DPP10: variants seen among roughly 807,000 people sequenced by gnomAD.
DPP10 encodes the protein dipeptidyl peptidase like 10.
Under a neutral mutation model 120.9 loss-of-function variants are expected in DPP10, and 33 were observed. That is an observed-to-expected ratio of 0.27 (90% CI 0.21 to 0.37). The LOEUF is 0.37. DPP10 is among the 10% of genes least tolerant of loss of function. The pLI is 1.00. For synonymous variants in DPP10, 337 were observed against 326.1 expected (o/e 1.03, Z -0.36); for missense variants, 816 against 942.8 (o/e 0.87, Z 1.76).
chr2:115,139,115 GCAAAGAC>G (rs935209025), intron 1 of DPP10, among the ~76,000 whole-genome samples: 1 of 152,128 alleles, frequency 6.6e-6, no homozygotes, highest in Admixed American at 6.6e-5. Context: ...GAAAGTGTTT[GCAAAGAC>G]ATTTGTACAG....
chr2:115,791,330 A>T lies in DPP10; in HGVS notation c.1674A>T (p.Arg558=), dbSNP rs749609673. ...QLSLPKDFMD[R]NQYALLLIMD... ...CCCTTCCCAAAGATTTTATGGACCG[A>T]AACCAGTATGCTCTTCTGTTAATAA... The change falls in exon 19 of 26, where the codon CGA becomes CGT. Residue 558 remains arginine, a synonymous_variant. Coordinates refer to ENST00000410059, the MANE Select transcript of DPP10 (RefSeq NM_020868.6). 45 of 1,611,248 alleles carry T rather than the reference A, an allele frequency of 2.8e-5. No homozygotes were observed. The highest frequency in any genetic ancestry group is 3.7e-5 in the Non-Finnish European group (44 of 1,179,138).
At chr2:115,449,528 A>G (rs2072926582) in intron 3 of DPP10, among the ~76,000 whole-genome samples, 1 of 152,116 alleles carries the variant, frequency 6.6e-6, no homozygotes, top group African/African-American at 2.4e-5. Flanking sequence ...AATTTGACAC[A>G]TGAATGTGCA....
intron 3 of DPP10, among the ~76,000 whole-genome samples, chr2:115,428,093 CCA>C (rs1437753722): frequency 6.6e-6 from 1 of 152,200 alleles, no homozygotes; most frequent in African/African-American, 2.4e-5. Context: ...GCTCCAGTTT[CCA>C]ACAAGTTCCT....
chr2:115,484,106 T>C (rs2075616116), intron 3 of DPP10, among the ~76,000 whole-genome samples: 1 of 143,024 alleles, frequency 7.0e-6, no homozygotes. Context: ...ACATATTTCC[T>C]ATCACAGACT....
chr2:114,628,133 A>G (rs892339689), intron 1 of DPP10, among the ~76,000 whole-genome samples: 10 of 152,152 alleles, frequency 6.6e-5, no homozygotes, highest in African/African-American at 2.4e-4. Context: ...GATTTATAAT[A>G]TAAGTTTGTG....
intron 1 of DPP10, among the ~76,000 whole-genome samples, chr2:115,190,886 A>G (rs13005061): frequency 0.07 from 10,634 of 152,278 alleles, 503 homozygotes; most frequent in East Asian, 0.17. Context: ...TCCTGTTTCA[A>G]TTGCTATAGT....
chr2:115,691,766 A>G (rs1559036698), intron 7 of DPP10, among the ~76,000 whole-genome samples: 2 of 152,146 alleles, frequency 1.3e-5, no homozygotes, highest in South Asian at 4.1e-4. Context: ...GGAAATTAAC[A>G]TCTTAGTGAT....
chr2:114,863,529 C>T (rs1394422282), intron 1 of DPP10, among the ~76,000 whole-genome samples: 2 of 152,094 alleles, frequency 1.3e-5, no homozygotes, highest in African/African-American at 2.4e-5. Flanking sequence ...ACTACCAGAT[C>T]TCCTTCCCAA....
intron 1 of DPP10, among the ~76,000 whole-genome samples, chr2:115,284,591 A>C (rs2105892548): frequency 6.6e-6 from 1 of 152,146 alleles, no homozygotes; most frequent in Non-Finnish European, 1.5e-5. Context: ...AGTGGGGTAG[A>C]AAAAAGTAAA....
chr2:115,254,158 A>G lies in DPP10; in HGVS notation c.61-55081A>G, dbSNP rs746152835. Among the ~76,000 whole-genome samples the G allele has an allele frequency of 5.6e-4, 86 of 152,318 alleles. 1 individual carries two copies. The highest frequency in any genetic ancestry group is 3.1e-3 in the Admixed American group (48 of 15,302). On this transcript the variant is annotated intron_variant, in intron 1 of 25. Coordinates refer to ENST00000410059, the MANE Select transcript of DPP10 (RefSeq NM_020868.6). ...GGGTAATTTATAAGGAAAGAGGTTTAATTGACTCACAGTACAGAATTGCTG... is the reference window on the plus strand; with the variant it reads ...GGGTAATTTATAAGGAAAGAGGTTTGATTGACTCACAGTACAGAATTGCTG...
intron 3 of DPP10, among the ~76,000 whole-genome samples, chr2:115,494,199 T>A (rs2148759375): frequency 6.6e-6 from 1 of 152,242 alleles, no homozygotes; most frequent in East Asian, 1.9e-4. Flanking sequence ...CACCTCGACC[T>A]CCCAAAATGC....
intron 1 of DPP10, among the ~76,000 whole-genome samples, chr2:115,071,597 C>A (rs1225168570): frequency 6.6e-6 from 1 of 151,940 alleles, no homozygotes; most frequent in African/African-American, 2.4e-5. Flanking sequence ...TCCTTCCTTG[C>A]CTGAAGGTTA....
chr2:114,822,039 C>A (rs547241304), intron 1 of DPP10, among the ~76,000 whole-genome samples: 2 of 152,288 alleles, frequency 1.3e-5, no homozygotes, highest in East Asian at 3.9e-4. Context: ...TCTACTAGGT[C>A]CACCAGGCAG....
In DPP10 at chr2:115,777,716, T is replaced by C. The variant is rs1300191892; in HGVS notation, c.1314-71T>C. ...GTGAATTCAGGATTCAATGTGACAA[T>C]GTGACAAAATTCACAGATCACAAAA... On this transcript the variant is annotated intron_variant, in intron 14 of 25. Transcript: ENST00000410059. 3 of 1,500,626 alleles carry C rather than the reference T, an allele frequency of 2.0e-6. No individual in the cohort carries two copies. The South Asian group carries it at 3.5e-5, about 17-fold the overall frequency. 93.0% of individuals were successfully genotyped at this position (1,500,626 alleles called of 1,614,324 possible). A position where few individuals can be genotyped will look rare whatever the true frequency, so the allele number is the denominator to read the frequency against.
chr2:114,660,486 A>G (rs1010661613), intron 1 of DPP10, among the ~76,000 whole-genome samples: 7 of 152,106 alleles, frequency 4.6e-5, no homozygotes, highest in Admixed American at 4.6e-4. Context: ...ATATAATACT[A>G]GAAAGACTCA....
chr2:115,653,909 A>G (rs1339984413), intron 5 of DPP10, among the ~76,000 whole-genome samples: 2 of 151,892 alleles, frequency 1.3e-5, no homozygotes, highest in Non-Finnish European at 2.9e-5. Flanking sequence ...TGTGAATGCT[A>G]TAGCTTAAAG....
At chr2:115,343,936 T>C (rs750217538) in intron 3 of DPP10, 24 bp downstream of exon 3, 2 of 1,546,028 alleles carry the variant, frequency 1.3e-6, no homozygotes, top group African/African-American at 1.4e-5. Flanking sequence ...TTTTTAAACA[T>C]TGTATTCATT....
chr2:115,563,689 G>T (rs939516673), intron 5 of DPP10, among the ~76,000 whole-genome samples: 1 of 152,064 alleles, frequency 6.6e-6, no homozygotes, highest in African/African-American at 2.4e-5. Flanking sequence ...CTACCTCTTC[G>T]TAAGGAAATA....
intron 10 of DPP10, among the ~76,000 whole-genome samples, chr2:115,749,388 T>C (rs896848222): frequency 5.3e-5 from 8 of 152,146 alleles, no homozygotes; most frequent in Non-Finnish European, 1.2e-4. Flanking sequence ...TTAGCATTAT[T>C]TTACTTCTTA....
Sources: allele counts gnomAD v4.1 joint callset (sites outside exome capture counted in the v4.1 genomes callset), GRCh38; gene constraint gnomAD v4.1.1; transcripts MANE v1.5; gene names NCBI Gene and HGNC (gene_info 2026-07-23, HGNC 2026-07-21).